The following SP110 variants were observed in gnomAD, a reference collection of about 807,000 sequenced individuals.
The protein encoded by SP110 is interferon-induced protein 41, 30kD.
In SP110, 62 loss-of-function variants were observed where a neutral mutation model predicts 92.7. That is an observed-to-expected ratio of 0.67 (90% CI 0.55 to 0.83). The LOEUF (loss-of-function observed/expected upper bound fraction) is 0.83, where lower values mean the gene tolerates loss of function less well. Among genes scored for constraint, SP110 ranks in the 40% least tolerant of loss-of-function variants. The probability of loss-of-function intolerance (pLI) is 0.00; values close to 1 mark genes in which losing one functional copy is unlikely to be tolerated. For missense variants in SP110, 793 were observed against 863.9 expected, an observed-to-expected ratio of 0.92 and a Z score of 1.03; for synonymous variants, 273 against 305.3, an observed-to-expected ratio of 0.89 and a Z score of 1.10.
intron 11 of SP110, among the ~76,000 whole-genome samples, chr2:230,185,424 G>A (rs556698937): frequency 2.0e-5 from 3 of 152,240 alleles, no homozygotes; most frequent in Non-Finnish European, 4.4e-5. Context: ...AAACACCGGT[G>A]GAATATCACC....
At chr2:230,178,467 A>G (rs1031945970) in intron 12 of SP110, among the ~76,000 whole-genome samples, 1 of 151,784 alleles carries the variant, frequency 6.6e-6, no homozygotes, top group Admixed American at 6.6e-5. Flanking sequence ...ATATCAAAAA[A>G]AAAAACATTT....
upstream of SP110, chr2:230,221,838 G>T: frequency 9.7e-7 from 1 of 1,027,478 alleles, no homozygotes; most frequent in Non-Finnish European, 1.4e-6. Context: ...AGTAAAGCAG[G>T]AGTGGGAAAA....
chr2:230,184,201 A>G (rs1447996897), intron 11 of SP110, among the ~76,000 whole-genome samples: 3 of 152,214 alleles, frequency 2.0e-5, no homozygotes, highest in African/African-American at 7.2e-5. Flanking sequence ...GGAACTTTCC[A>G]TTTAATATTT....
chr2:230,184,644 A>G, intron 11 of SP110, among the ~76,000 whole-genome samples: 1 of 152,226 alleles, frequency 6.6e-6, no homozygotes, highest in East Asian at 1.9e-4. Context: ...CAAAGACAGA[A>G]ACCAAATCAG....
chr2:230,202,985 G>C, intron 8 of SP110: 1 of 516,276 alleles, frequency 1.9e-6, no homozygotes, highest in Admixed American at 3.2e-5. Context: ...TAAAGCTGGG[G>C]AAATCCTAGA....
intron 3 of SP110, 74 bp downstream of exon 3, chr2:230,214,876 A>C (rs2044932404): frequency 7.9e-7 from 1 of 1,272,136 alleles, no homozygotes; most frequent in African/African-American, 1.5e-5. Flanking sequence ...CATATTCCAC[A>C]GGGCTAGAAG....
rs538124765 is a variant in SP110, at chr2:230,210,094, T to C, written c.752-86A>G. On this transcript the variant is annotated intron_variant, in intron 6 of 18. Transcript: ENST00000258381. Reference sequence around the variant, plus strand: ...GAAGTCAATGCAAGAACTAGAAAAGTAGAAAGTACATGCAGCCCAGGGCCG... The same window carrying C: ...GAAGTCAATGCAAGAACTAGAAAAGCAGAAAGTACATGCAGCCCAGGGCCG... The C allele has an allele frequency of 1.2e-5, 10 of 846,122 alleles. No individual in the cohort carries two copies. The African/African-American group carries it at 1.3e-4, about 11-fold the overall frequency. 52.4% of individuals were successfully genotyped at this position (846,122 alleles called of 1,614,324 possible).
rs201738789 is a variant in SP110 at position 230,172,958 on chromosome 2, C to T, written c.1592G>A (p.Arg531Gln). 1.7e-5 allele frequency: 27 copies of T among 1,609,072 alleles called. No individual in the cohort carries two copies. The highest frequency in any genetic ancestry group is 1.6e-4 in the Middle Eastern group (1 of 6,072). ...EGMTLGELLK[R>Q]KNSDECEVCC... ...CACCTCGCATTCATCCGAGTTTTTC[C>T]GCTGCAAGGGCAGATAACGTGGGCA... Residue 531 changes from arginine to glutamine, a missense_variant and splice_region_variant, in exon 15 of 19, where the codon CGG (arginine) becomes CAG (glutamine). By Grantham distance (43) the Arg-to-Gln change is conservative (BLOSUM62 1). Transcript: ENST00000258381.
In SP110 at chr2:230,172,977, G is replaced by A. The variant is rs199943105; in HGVS notation, c.1591-18C>T. ...TTTTTCCGCTGCAAGGGCAGATAAC[G>A]TGGGCACCGCTAGGACCATGGAGAC... On this transcript the variant is annotated intron_variant, in intron 14 of 18. Transcript: ENST00000258381. 6.8e-5 allele frequency: 104 copies of A among 1,539,812 alleles called. No individual in the cohort carries two copies. In the East Asian group the frequency reaches 1.3e-3, roughly 19 times the overall value.
At chr2:230,202,544 G>T in intron 9 of SP110, 35 bp downstream of exon 9, 1 of 1,609,264 alleles carries the variant, frequency 6.2e-7, no homozygotes, top group South Asian at 1.1e-5. Flanking sequence ...CCCACACTGA[G>T]CCATTCAAAT....
chr2:230,165,540 G>T lies in SP110; in HGVS notation c.*3584C>A, dbSNP rs1480553853. Among the ~76,000 whole-genome samples, 2 of 152,006 alleles carry T rather than the reference G, an allele frequency of 1.3e-5. No homozygotes were observed. The highest frequency in any genetic ancestry group is 4.8e-5 in the African/African-American group (2 of 41,384). On this transcript the variant is annotated 3_prime_UTR_variant, in exon 19 of 19. Transcript: ENST00000258381. ...ACATAATGTGAAACTAACAAATAAT[G>T]ACATAATATAATTGAATAGAATAAA...
In SP110 at chr2:230,216,670, G is replaced by A. The variant is rs573009047; in HGVS notation, c.147+111C>T. Reference sequence around the variant, plus strand: ...ACCTTCTGTGATAATGAACATGCCTGGGCTGGGCCTTCCAAACTCTGGAAG... The same window carrying A: ...ACCTTCTGTGATAATGAACATGCCTAGGCTGGGCCTTCCAAACTCTGGAAG... On this transcript the variant is annotated intron_variant, in intron 2 of 18. Coordinates refer to ENST00000258381, the MANE Select transcript of SP110 (RefSeq NM_080424.4). The A allele has an allele frequency of 6.1e-6, 8 of 1,302,490 alleles. No individual in the cohort carries two copies. The East Asian group carries it at 9.2e-5, about 15-fold the overall frequency. 80.7% of individuals were successfully genotyped at this position (1,302,490 alleles called of 1,614,324 possible).
chr2:230,183,015 T>C (rs1202187286), intron 12 of SP110, among the ~76,000 whole-genome samples: 1 of 152,012 alleles, frequency 6.6e-6, no homozygotes, highest in East Asian at 1.9e-4. Context: ...TGATAATGAA[T>C]AAAAAGGGCC....
At chr2:230,218,763 AT>A (rs2045511498) in intron 1 of SP110, among the ~76,000 whole-genome samples, 1 of 152,234 alleles carries the variant, frequency 6.6e-6, no homozygotes, top group African/African-American at 2.4e-5. Flanking sequence ...TACATCTCAT[AT>A]ATGACTGTTC....
chr2:230,177,751 A>T (rs2041931738), intron 13 of SP110, 71 bp from the exon 14 acceptor site: 2 of 1,531,722 alleles, frequency 1.3e-6, no homozygotes, highest in Non-Finnish European at 1.8e-6. Context: ...CTTCATCCTA[A>T]TTGTGGCCTT....
At position 230,211,899 on chromosome 2, in the gene SP110, T is replaced by C. The variant is rs2044523483; in HGVS notation, c.668-346A>G. ...ACAATGCCCAATATCATACCATTCT[T>C]ACGTTTAATGTAATCAAACTCCATT... On this transcript the variant is annotated intron_variant, in intron 5 of 18. Coordinates refer to ENST00000258381, the MANE Select transcript of SP110 (RefSeq NM_080424.4). This position sits in a 1 kb window ranked among gnomAD's most constrained non-coding sequence, Gnocchi z 4.2. Among the ~76,000 whole-genome samples, 1 of 152,212 alleles carries C rather than the reference T, an allele frequency of 6.6e-6. No individual in the cohort carries two copies. Among genetic ancestry groups the C allele is most frequent in the Non-Finnish European group, 1.5e-5 (1 of 68,028 alleles).
intron 9 of SP110, among the ~76,000 whole-genome samples, chr2:230,201,861 GAAACTATCAC>G (rs2043214611): frequency 6.6e-6 from 1 of 152,156 alleles, no homozygotes; most frequent in South Asian, 2.1e-4. Context: ...TAATATTTAA[GAAACTATCAC>G]TTGTTGAGTG....
rs1359026445 is a variant in SP110, at chr2:230,207,963, C to T, written c.898+28G>A. The T allele has an allele frequency of 5.9e-6, 7 of 1,191,552 alleles. No homozygotes were observed. The Admixed American group carries it at 1.1e-4, about 18-fold the overall frequency. The allele number at this position is 1,191,552 out of a possible 1,614,324, so 73.8% of individuals were successfully genotyped here. On this transcript the variant is annotated intron_variant, in intron 8 of 18. Transcript: ENST00000258381. ...GCCCTGCATGAGCTGTTTCCAGCCT[C>T]CAGCTTCCTCTTGTACTCTCATCTT... is the stretch of plus-strand genomic sequence containing the variant.
intron 16 of SP110, 115 bp from the exon 17 acceptor site, chr2:230,171,882 A>G (rs2078451780): frequency 1.1e-6 from 1 of 908,422 alleles, no homozygotes; most frequent in South Asian, 1.3e-5. Flanking sequence ...CATTCCAGCC[A>G]TGCTTCCCAA....
Sources: gnomAD v4.1 joint callset for allele counts (sites outside exome capture counted in the v4.1 genomes callset) on GRCh38, gnomAD v4.1.1 for gene constraint, Gnocchi (gnomAD v3.1) non-coding constraint, MANE v1.5 for transcripts, NCBI Gene and HGNC (gene_info 2026-07-23, HGNC 2026-07-21) for gene names.